Variants in DCC observed in about 807,000 individuals in gnomAD.
DCC encodes the protein DCC netrin 1 receptor.
A neutral mutation model predicts 172.5 loss-of-function variants in DCC; 58 were observed. That is an observed-to-expected ratio of 0.34 (90% CI 0.27 to 0.42). DCC has a LOEUF of 0.42. Ranked by LOEUF, DCC falls within the 10% of genes least tolerant of loss-of-function variation. The pLI is 1.00. For missense variants in DCC, 1,740 were observed against 1,791.0 expected (o/e 0.97, Z 0.51); for synonymous variants, 709 against 644.5 (o/e 1.10, Z -1.52).
chr18:53,441,606 T>A (rs979560502), intron 22 of DCC, among the ~76,000 whole-genome samples: 24 of 152,104 alleles, frequency 1.6e-4, no homozygotes, highest in Admixed American at 1.6e-3. Context: ...CATTCTTTCC[T>A]CCCCCATATC....
chr18:52,418,864 T>C (rs867664968), intron 1 of DCC, among the ~76,000 whole-genome samples: 40 of 142,798 alleles, frequency 2.8e-4, no homozygotes, highest in African/African-American at 7.8e-4. Context: ...CTTTCTTTTT[T>C]TTTTTTTTTT....
chr18:52,576,365 T>C (rs549480766), intron 1 of DCC, among the ~76,000 whole-genome samples: 1 of 152,204 alleles, frequency 6.6e-6, no homozygotes, highest in Non-Finnish European at 1.5e-5. Context: ...TGAAGCTGCC[T>C]GGACTTTTAT....
intron 15 of DCC, among the ~76,000 whole-genome samples, chr18:53,363,399 A>T (rs1183103732): frequency 6.6e-6 from 1 of 152,204 alleles, no homozygotes; most frequent in Non-Finnish European, 1.5e-5. Context: ...ACTAGTTTCC[A>T]AAAATGAAAG....
At chr18:53,358,999 T>A (rs1339757781) in intron 15 of DCC, among the ~76,000 whole-genome samples, 1 of 152,186 alleles carries the variant, frequency 6.6e-6, no homozygotes, top group African/African-American at 2.4e-5. Context: ...AAATGTTGGG[T>A]GGAGAATTTT....
intron 2 of DCC, among the ~76,000 whole-genome samples, chr18:52,759,404 C>G (rs1424104855): frequency 1.3e-5 from 2 of 151,894 alleles, no homozygotes; most frequent in Admixed American, 1.3e-4. Flanking sequence ...ACAAAATAAC[C>G]TAAAAAAAAT....
At position 53,049,768 on chromosome 18, in the gene DCC, A is replaced by G. The variant is rs12969010; in HGVS notation, c.986-13537A>G. ...GTTTGATAGAAATAGCATTGAGTCT[A>G]TAAATTGCTTTGCGCAATGTACTAG... On this transcript the variant is annotated intron_variant, in intron 5 of 28. Transcript: ENST00000442544. 5.1e-3 allele frequency among the ~76,000 whole-genome samples: 772 copies of G among 152,228 alleles called. 4 individuals carry two copies. Among genetic ancestry groups the G allele is most frequent in the Non-Finnish European group, 8.4e-3 (570 of 68,002 alleles).
chr18:53,184,573 G>A (rs893437033), intron 9 of DCC, among the ~76,000 whole-genome samples: 1 of 152,090 alleles, frequency 6.6e-6, no homozygotes. Context: ...TGACGGTACT[G>A]AATACTGCAG....
At chr18:52,412,232 A>T (rs561332074) in intron 1 of DCC, among the ~76,000 whole-genome samples, 2 of 152,130 alleles carry the variant, frequency 1.3e-5, no homozygotes, top group African/African-American at 4.8e-5. Flanking sequence ...ATGTATACAC[A>T]TGTATGTATG....
chr18:53,386,113 A>C lies in DCC; in HGVS notation c.2430A>C (p.Glu810Asp). Residue 810 changes from glutamate (E) to aspartate (D), a missense_variant, in exon 16 of 29, where the codon GAA becomes GAC. By Grantham distance (45) the Glu-to-Asp change is conservative. Around this residue, in one of 2 missense-constraint regions of DCC, gnomAD observed 1,732 missense variants for 1,767.4 expected, o/e 0.98. Coordinates refer to ENST00000442544, the MANE Select transcript of DCC (RefSeq NM_005215.4). ...CCGGAGAAGGAGTTCCTCTTTATGA[A>C]AGTGCCACCACCAGGTCTATAACCG... ...NNAGEGVPLY[E>D]SATTRSITDP... 6.2e-7 allele frequency: 1 copy of C among 1,611,754 alleles called. No individual in the cohort carries two copies. The highest frequency in any genetic ancestry group is 8.5e-7 in the Non-Finnish European group (1 of 1,177,918).
At chr18:53,442,541 A>G (rs1034170843) in intron 22 of DCC, among the ~76,000 whole-genome samples, 1 of 152,158 alleles carries the variant, frequency 6.6e-6, no homozygotes, top group African/African-American at 2.4e-5. Context: ...TCTGAGCACA[A>G]CACTGTTGAA....
At chr18:53,223,946 T>C (rs1339040324) in intron 12 of DCC, among the ~76,000 whole-genome samples, 1 of 152,178 alleles carries the variant, frequency 6.6e-6, no homozygotes, top group Non-Finnish European at 1.5e-5. Flanking sequence ...AAGCAGAATT[T>C]CATTTATTGC....
chr18:52,913,447 T>A (rs2039998171), intron 3 of DCC, among the ~76,000 whole-genome samples: 1 of 152,104 alleles, frequency 6.6e-6, no homozygotes, highest in Non-Finnish European at 1.5e-5. Context: ...ATTTTTCTAG[T>A]CATGTCTATC....
At chr18:53,017,860 G>C (rs1441923704) in intron 5 of DCC, among the ~76,000 whole-genome samples, 2 of 152,122 alleles carry the variant, frequency 1.3e-5, no homozygotes, top group Non-Finnish European at 2.9e-5. Flanking sequence ...TTCTAATGTA[G>C]ATTTCGCCTG....
chr18:53,051,033 A>G (rs2042327122), intron 5 of DCC, among the ~76,000 whole-genome samples: 1 of 152,078 alleles, frequency 6.6e-6, no homozygotes, highest in Admixed American at 6.6e-5. Context: ...AGTTCAAGAC[A>G]AACTTGTGCA....
intron 8 of DCC, 78 bp from the exon 9 acceptor site, chr18:53,178,884 C>T (rs1012219425): frequency 2.0e-6 from 3 of 1,528,144 alleles, no homozygotes; most frequent in South Asian, 1.1e-5. Context: ...CACCTCACTA[C>T]TCTTGCACAT....
intron 1 of DCC, among the ~76,000 whole-genome samples, chr18:52,626,406 G>T (rs543496664): frequency 6.6e-6 from 1 of 151,428 alleles, no homozygotes; most frequent in African/African-American, 2.4e-5. Context: ...GCTCTTAATT[G>T]TTCTCCTGGA....
rs755351979 is a variant in DCC, at chr18:52,906,242, C to G, written c.611C>G (p.Pro204Arg). Reference protein sequence around the residue: ...SGALQISRLQPGDIGIYRCSA... With the variant: ...SGALQISRLQRGDIGIYRCSA... ...GCATTGCAGATCAGCCGACTCCAAC[C>G]GGGGGACATTGGAATTTACCGATGC... The change falls in exon 3 of 29, where the codon CCG (proline) becomes CGG (arginine). Residue 204 changes from proline (P) to arginine (R), a missense_variant. By Grantham distance (103) the Pro-to-Arg change is moderately radical (BLOSUM62 -2). Coordinates refer to ENST00000442544, the MANE Select transcript of DCC (RefSeq NM_005215.4). The G allele has an allele frequency of 1.2e-6, 2 of 1,613,978 alleles. No individual in the cohort carries two copies. Among genetic ancestry groups the G allele is most frequent in the South Asian group, 2.2e-5 (2 of 91,086 alleles).
intron 2 of DCC, among the ~76,000 whole-genome samples, chr18:52,778,315 T>C (rs74601030): frequency 0.053 from 8,060 of 152,292 alleles, 286 homozygotes; most frequent in South Asian, 0.16. Context: ...TTCAGTTGCA[T>C]GCCTTGGGAA....
intron 1 of DCC, among the ~76,000 whole-genome samples, chr18:52,530,415 C>T (rs1334314797): frequency 5.9e-5 from 9 of 152,196 alleles, no homozygotes; most frequent in Non-Finnish European, 1.2e-4. Flanking sequence ...CCTACTTTTA[C>T]ACTTTCAAGT....
Sources: allele counts gnomAD v4.1 joint callset (sites outside exome capture counted in the v4.1 genomes callset), GRCh38; gene constraint gnomAD v4.1.1; regional missense constraint gnomAD v4.1.1; transcripts MANE v1.5; gene names NCBI Gene and HGNC (gene_info 2026-07-23, HGNC 2026-07-21).